Variants in MYH11 observed in about 807,000 individuals in gnomAD.
MYH11 encodes the protein myosin heavy chain 11.
A neutral mutation model predicts 246.6 loss-of-function variants in MYH11; 80 were observed. The observed-to-expected ratio is 0.32, with a 90% CI of 0.27 to 0.39. The LOEUF (loss-of-function observed/expected upper bound fraction) is 0.39, where lower values mean the gene tolerates loss of function less well. Ranked by LOEUF, MYH11 falls within the 10% of genes least tolerant of loss-of-function variation. MYH11 has a pLI of 1.00. For synonymous variants in MYH11, 1,071 were observed against 1,015.5 expected (o/e 1.05, Z -1.04); for missense variants, 2,158 against 2,546.8 (o/e 0.85, Z 3.29).
At chr16:15,792,845 C>T (rs545600078) in intron 4 of MYH11, 5 of 152,328 alleles carry the variant, frequency 3.3e-5, no homozygotes, top group South Asian at 2.1e-4. Context: ...AACCGAGATC[C>T]TCCTGCCTCA....
At chr16:15,770,583 G>C (rs1044650527) in intron 9 of MYH11, among the ~76,000 whole-genome samples, 3 of 152,128 alleles carry the variant, frequency 2.0e-5, no homozygotes, top group Non-Finnish European at 4.4e-5. Flanking sequence ...GGAAAAGCCT[G>C]AGTAAATCCA....
intron 3 of MYH11, among the ~76,000 whole-genome samples, chr16:15,803,792 GC>G (rs2042944593): frequency 6.6e-6 from 1 of 152,168 alleles, no homozygotes; most frequent in African/African-American, 2.4e-5. Flanking sequence ...TGCTCACAGG[GC>G]CCCCAGGAGA....
At chr16:15,824,773 C>A (rs1396917219) in intron 2 of MYH11, among the ~76,000 whole-genome samples, 2 of 152,182 alleles carry the variant, frequency 1.3e-5, no homozygotes, top group African/African-American at 4.8e-5. Flanking sequence ...TTTCTGGGAC[C>A]TCCCAATGTC....
At position 15,745,126 on chromosome 16, in the gene MYH11, C is replaced by A. The variant is rs750078792; in HGVS notation, c.2520+3G>T. ...GGGAAGGGGGCTGGGGCAGAGCACT[C>A]ACTTTGGTGAAAAGCCTCCACCACT... On this transcript the variant is annotated splice_donor_region_variant and intron_variant, in intron 20 of 40. Coordinates refer to ENST00000300036, the MANE Select transcript of MYH11 (RefSeq NM_002474.3). 3 of 1,613,204 alleles carry A rather than the reference C, an allele frequency of 1.9e-6. No homozygotes were observed. Among genetic ancestry groups the A allele is most frequent in the Non-Finnish European group, 2.5e-6 (3 of 1,179,312 alleles).
At position 15,740,066 on chromosome 16, in the gene MYH11, G is replaced by A. The variant is rs758753566; in HGVS notation, c.2982C>T (p.Asn994=). The A allele has an allele frequency of 6.2e-7, 1 of 1,614,034 alleles. No individual in the cohort carries two copies. Among genetic ancestry groups the A allele is most frequent in the Non-Finnish European group, 8.5e-7 (1 of 1,179,974 alleles). Residue 994 remains asparagine (N), a synonymous_variant, in exon 23 of 41, where the codon AAC becomes AAT. Transcript: ENST00000300036. ...CCCTACTCACTTTTGATAGTTTATTGTTCTGATCATCCATGACCAGGATCT... is the reference window on the plus strand; with the variant it reads ...CCCTACTCACTTTTGATAGTTTATTATTCTGATCATCCATGACCAGGATCT... ...EDEILVMDDQ[N]NKLSKERKLL...
chr16:15,710,099 C>T (rs1338569139), intron 40 of MYH11, among the ~76,000 whole-genome samples: 1 of 152,188 alleles, frequency 6.6e-6, no homozygotes, highest in Non-Finnish European at 1.5e-5. Flanking sequence ...AGACCTTCCA[C>T]CTGCATTATG....
intron 2 of MYH11, 152 bp from the exon 3 acceptor site, chr16:15,823,563 G>C: frequency 1.0e-6 from 1 of 1,002,148 alleles, no homozygotes; most frequent in South Asian, 1.3e-5. Flanking sequence ...AGGTACGTGG[G>C]AAGAGGAGAA....
intron 4 of MYH11, among the ~76,000 whole-genome samples, chr16:15,794,401 C>T (rs1052769015): frequency 3.3e-5 from 5 of 152,228 alleles, no homozygotes; most frequent in African/African-American, 1.2e-4. Context: ...AAATTGAATA[C>T]AGAGACTGAA....
At chr16:15,758,064 C>G in intron 12 of MYH11, 64 bp from the exon 13 acceptor site, 2 of 1,608,792 alleles carry the variant, frequency 1.2e-6, no homozygotes, top group Non-Finnish European at 1.7e-6. Context: ...ACAAGGAGCC[C>G]CACAGAAGCT....
At chr16:15,725,631 T>C in intron 28 of MYH11, 1 of 401,272 alleles carries the variant, frequency 2.5e-6, no homozygotes, top group Admixed American at 4.3e-5. Context: ...ACACTGCTTA[T>C]ATGAGGGCGG....
intron 6 of MYH11, among the ~76,000 whole-genome samples, chr16:15,779,956 C>T (rs2042308206): frequency 6.6e-6 from 1 of 152,214 alleles, no homozygotes; most frequent in Admixed American, 6.5e-5. Flanking sequence ...CTTGACAAAA[C>T]CTTCAAACTT....
chr16:15,770,293 G>A (rs1252656892), intron 9 of MYH11, among the ~76,000 whole-genome samples: 4 of 152,038 alleles, frequency 2.6e-5, no homozygotes, highest in Non-Finnish European at 5.9e-5. Context: ...CTCCCCTTAT[G>A]CAGCATTTCA....
intron 3 of MYH11, among the ~76,000 whole-genome samples, chr16:15,820,473 C>T (rs1454316406): frequency 6.2e-5 from 8 of 128,772 alleles, no homozygotes; most frequent in African/African-American, 1.2e-4. Context: ...AAACTCCATC[C>T]GGAAAAAAAA....
At chr16:15,777,447 A>G (rs181883476) in intron 7 of MYH11, among the ~76,000 whole-genome samples, 3 of 152,270 alleles carry the variant, frequency 2.0e-5, no homozygotes, top group Admixed American at 6.5e-5. Context: ...AAGAGCTCCC[A>G]AGTGATGCTG....
chr16:15,794,721 G>A (rs2042703411), intron 4 of MYH11, among the ~76,000 whole-genome samples: 2 of 152,212 alleles, frequency 1.3e-5, no homozygotes, highest in African/African-American at 2.4e-5. Context: ...AGCCTTGAAA[G>A]TTACAAGAGA....
In MYH11 at chr16:15,735,587, G is replaced by A. The variant is rs1363586968; in HGVS notation, c.3294-9C>T. The A allele has an allele frequency of 2.5e-6, 4 of 1,614,116 alleles. No homozygotes were observed. The highest frequency in any genetic ancestry group is 3.4e-6 in the Non-Finnish European group (4 of 1,179,992). On this transcript the variant is annotated splice_polypyrimidine_tract_variant and intron_variant, in intron 25 of 40. Transcript: ENST00000300036. ...CGATTTCATCGTCAAGCCTTCCAGG[G>A]AGAGACCCAGCAGAATGAACCCCCA...
intron 3 of MYH11, among the ~76,000 whole-genome samples, chr16:15,822,079 T>C (rs923094576): frequency 1.3e-5 from 2 of 152,340 alleles, no homozygotes; most frequent in South Asian, 4.1e-4. Context: ...GTCCTACCTG[T>C]GGAGTCTGGC....
intron 4 of MYH11, among the ~76,000 whole-genome samples, chr16:15,796,410 A>G (rs1262297773): frequency 6.6e-6 from 1 of 152,176 alleles, no homozygotes; most frequent in East Asian, 1.9e-4. Flanking sequence ...CAGAGAGGTC[A>G]AGTGACCCGT....
chr16:15,798,857 C>G (rs2042815716), intron 3 of MYH11, among the ~76,000 whole-genome samples, 170 bp from the exon 4 acceptor site: 1 of 152,140 alleles, frequency 6.6e-6, no homozygotes, highest in Non-Finnish European at 1.5e-5. Context: ...GGGGCCACGA[C>G]CAAAGCCAAA....
Sources: gnomAD v4.1 joint callset for allele counts (sites outside exome capture counted in the v4.1 genomes callset) on GRCh38, gnomAD v4.1.1 for gene constraint, MANE v1.5 for transcripts, NCBI Gene and HGNC (gene_info 2026-07-23, HGNC 2026-07-21) for gene names.